EIPR1: variants seen among roughly 807,000 people sequenced by gnomAD.
EIPR1 encodes EARP and GARP complex-interacting protein 1.
In EIPR1, 25 loss-of-function variants were observed where a neutral mutation model predicts 48.1. The observed-to-expected ratio is 0.52, with a 90% CI of 0.38 to 0.73. The LOEUF (loss-of-function observed/expected upper bound fraction) is 0.73. EIPR1 is among the 30% of genes least tolerant of loss of function. EIPR1 has a pLI of 0.00. For missense variants in EIPR1, 415 were observed against 506.2 expected, an observed-to-expected ratio of 0.82 and a Z score of 1.73; for synonymous variants, 204 against 201.9, an observed-to-expected ratio of 1.01 and a Z score of -0.09.
chr2:3,208,415 C>A (rs1178326568), intron 5 of EIPR1: 5 of 1,457,122 alleles, frequency 3.4e-6, no homozygotes, highest in East Asian at 2.5e-5. Context: ...GGCACTCAGA[C>A]CACGTCACCT....
intron 3 of EIPR1, among the ~76,000 whole-genome samples, chr2:3,279,413 G>C (rs909013488): frequency 3.9e-5 from 6 of 152,198 alleles, no homozygotes; most frequent in Non-Finnish European, 2.9e-5. Flanking sequence ...GGTAGCGTAG[G>C]ATACAGGGAT....
At position 3,354,564 on chromosome 2, in the gene EIPR1, T is replaced by A. The variant is rs761387020; in HGVS notation, c.112A>T (p.Lys38Ter). Residue 38 changes from lysine (K) to a stop codon, truncating the protein, a stop_gained, in exon 2 of 9, where the codon AAA becomes TAA. Coordinates refer to ENST00000382125, the MANE Select transcript of EIPR1 (RefSeq NM_003310.5). LOFTEE classifies it high-confidence loss of function. ...IRFLVGTQSLKYDNQIHIIDF... is the reference protein window; with the variant it reads ...IRFLVGTQSL ...AAAATAGTTACCTGATTATCATATT[T>A]AAGAGACTGCGTCCCAACCAAAAAC... 6.2e-7 allele frequency: 1 copy of A among 1,614,092 alleles called. No individual in the cohort carries two copies. The highest frequency in any genetic ancestry group is 8.5e-7 in the Non-Finnish European group (1 of 1,179,978).
chr2:3,269,035 G>C (rs1190139971), intron 3 of EIPR1, among the ~76,000 whole-genome samples: 1 of 152,262 alleles, frequency 6.6e-6, no homozygotes, highest in Non-Finnish European at 1.5e-5. Context: ...GAGGAAAGCA[G>C]TGTCCCTTCT....
chr2:3,333,176 G>T (rs1008631553), intron 3 of EIPR1, among the ~76,000 whole-genome samples: 1 of 152,154 alleles, frequency 6.6e-6, no homozygotes. Context: ...AATAAGTCAC[G>T]AGCTCAGCCA....
chr2:3,218,713 C>T (rs554278031), intron 4 of EIPR1, among the ~76,000 whole-genome samples: 37 of 143,216 alleles, frequency 2.6e-4, no homozygotes, highest in East Asian at 4.4e-4. Flanking sequence ...GGCCCTGATA[C>T]GCTCTAGAGC....
chr2:3,247,486 C>T (rs114601405), intron 4 of EIPR1, among the ~76,000 whole-genome samples: 1,668 of 152,230 alleles, frequency 0.011, 31 homozygotes, highest in African/African-American at 0.038. Context: ...CACAGCAAGC[C>T]GACACAAGAG....
intron 5 of EIPR1, among the ~76,000 whole-genome samples, chr2:3,204,498 C>T (rs1475092290): frequency 6.6e-6 from 1 of 152,220 alleles, no homozygotes; most frequent in Non-Finnish European, 1.5e-5. Context: ...AAGAACTCCA[C>T]AGGGTGCAAT....
chr2:3,256,562 G>A (rs987929717), intron 4 of EIPR1, among the ~76,000 whole-genome samples: 7 of 152,168 alleles, frequency 4.6e-5, no homozygotes, highest in African/African-American at 1.4e-4. Flanking sequence ...CTGTACAAAC[G>A]ATTTGTCTCT....
intron 4 of EIPR1, among the ~76,000 whole-genome samples, chr2:3,236,337 G>A (rs538426203): frequency 6.6e-6 from 1 of 152,304 alleles, no homozygotes; most frequent in Non-Finnish European, 1.5e-5. Flanking sequence ...GGCAAGTCAG[G>A]AACAAATCCC....
intron 1 of EIPR1, among the ~76,000 whole-genome samples, chr2:3,367,610 T>G (rs1671005555): frequency 6.6e-6 from 1 of 152,222 alleles, no homozygotes; most frequent in African/African-American, 2.4e-5. Flanking sequence ...AGAGGACTAT[T>G]CCACAATCAA....
chr2:3,255,403 G>A (rs1397004328), intron 4 of EIPR1, among the ~76,000 whole-genome samples: 1 of 152,098 alleles, frequency 6.6e-6, no homozygotes, highest in Admixed American at 6.5e-5. Context: ...GGCTGGTCTC[G>A]AACTCCTGAC....
chr2:3,332,331 G>A (rs1669924832), intron 3 of EIPR1, among the ~76,000 whole-genome samples: 1 of 152,212 alleles, frequency 6.6e-6, no homozygotes, highest in African/African-American at 2.4e-5. Context: ...ATTGGGGAGG[G>A]AGGTGACTGG....
At chr2:3,364,681 T>C (rs190248487) in intron 1 of EIPR1, among the ~76,000 whole-genome samples, 4 of 151,864 alleles carry the variant, frequency 2.6e-5, no homozygotes, top group Non-Finnish European at 5.9e-5. Context: ...AATCTTGTCA[T>C]TAGCAGCAAA....
chr2:3,318,104 T>G (rs1669368269), intron 3 of EIPR1, among the ~76,000 whole-genome samples: 1 of 152,234 alleles, frequency 6.6e-6, no homozygotes, highest in African/African-American at 2.4e-5. Context: ...GGCTCCTCTC[T>G]GCACCTCCAA....
intron 3 of EIPR1, among the ~76,000 whole-genome samples, chr2:3,333,052 T>C (rs1022865152): frequency 2.0e-5 from 3 of 152,350 alleles, no homozygotes; most frequent in Non-Finnish European, 4.4e-5. Flanking sequence ...GGAGACTGCC[T>C]GTGGGCGCCA....
chr2:3,283,641 G>A (rs554171339), intron 3 of EIPR1, among the ~76,000 whole-genome samples: 10 of 152,210 alleles, frequency 6.6e-5, no homozygotes, highest in Non-Finnish European at 1.2e-4. Context: ...AGTTAAAGAG[G>A]GGAAGAAAAG....
intron 4 of EIPR1, among the ~76,000 whole-genome samples, chr2:3,238,698 G>A (rs575799399): frequency 2.2e-4 from 33 of 152,310 alleles, no homozygotes; most frequent in Non-Finnish European, 3.7e-4. Flanking sequence ...AACCTTCGCC[G>A]TTCATTTCTG....
intron 3 of EIPR1, among the ~76,000 whole-genome samples, chr2:3,290,191 C>G (rs933916175): frequency 2.0e-5 from 3 of 152,248 alleles, no homozygotes; most frequent in Admixed American, 2.0e-4. Flanking sequence ...TGGCACAAGA[C>G]AGTGGCTCGT....
At position 3,189,199 on chromosome 2, in the gene EIPR1, T is replaced by G; in HGVS notation, c.*135A>C. The G allele has an allele frequency of 2.1e-6, 2 of 943,374 alleles. No homozygotes were observed. Among genetic ancestry groups the G allele is most frequent in the Non-Finnish European group, 3.0e-6 (2 of 670,550 alleles). The allele number at this position is 943,374 out of a possible 1,614,324, so 58.4% of individuals were successfully genotyped here. A position where few individuals can be genotyped will look rare whatever the true frequency, so the allele number is the denominator to read the frequency against. On this transcript the variant is annotated 3_prime_UTR_variant, in exon 9 of 9. Coordinates refer to ENST00000382125, the MANE Select transcript of EIPR1 (RefSeq NM_003310.5). The surrounding 1 kb of genome is among the most constrained non-coding windows in gnomAD (Gnocchi z 4.6). ...TCACCCCATTCATAAATGCTGCTGC[T>G]ACAGGAAGGGAACAGCGGCTCTCCC...
Sources: gnomAD v4.1 joint callset for allele counts (sites outside exome capture counted in the v4.1 genomes callset) on GRCh38, gnomAD v4.1.1 for gene constraint, Gnocchi (gnomAD v3.1) non-coding constraint, MANE v1.5 for transcripts, NCBI Gene and HGNC (gene_info 2026-07-23, HGNC 2026-07-21) for gene names.